The following TULP4 variants were observed in gnomAD, a reference collection of about 807,000 sequenced individuals.
The protein encoded by TULP4 is TUB like protein 4.
A neutral mutation model predicts 129.0 loss-of-function variants in TULP4; 16 were observed. The observed-to-expected ratio is 0.12, with a 90% CI of 0.08 to 0.19. The LOEUF (loss-of-function observed/expected upper bound fraction) is 0.19. Ranked by LOEUF, TULP4 falls within the 10% of genes least tolerant of loss-of-function variation. The probability of loss-of-function intolerance (pLI) is 1.00; values close to 1 mark genes in which losing one functional copy is unlikely to be tolerated. For missense variants in TULP4, 1,842 were observed against 2,059.1 expected (o/e 0.89, Z 2.04); for synonymous variants, 998 against 854.0 (o/e 1.17, Z -2.94).
upstream of TULP4, among the ~76,000 whole-genome samples, chr6:158,309,278 C>T (rs1442160974): frequency 2.1e-5 from 3 of 142,878 alleles, no homozygotes; most frequent in East Asian, 4.2e-4. Flanking sequence ...AGAGGCACTC[C>T]TCACATCCCA....
intron 1 of TULP4, among the ~76,000 whole-genome samples, chr6:158,325,847 G>A (rs1014636890): frequency 3.3e-5 from 5 of 151,988 alleles, no homozygotes; most frequent in Non-Finnish European, 5.9e-5. Context: ...TATACATATT[G>A]GTAAATGCTA....
chr6:158,415,498 C>T (rs1019202259), intron 2 of TULP4, among the ~76,000 whole-genome samples: 1 of 151,242 alleles, frequency 6.6e-6, no homozygotes, highest in African/African-American at 2.4e-5. Flanking sequence ...TACAGACACC[C>T]ACCACCACGC....
chr6:158,479,844 G>C lies in TULP4; in HGVS notation c.1120G>C (p.Val374Leu), dbSNP rs749598254. Residue 374 changes from valine to leucine, a missense_variant, in exon 7 of 14, where the codon GTG becomes CTG. Val to Leu is a conservative substitution (Grantham distance 32, BLOSUM62 1). Transcript: ENST00000367097. The part of the protein sequence containing the change: ...ALYVVRVEHR[V>L]SSLQLLCQQA... ...GTACGTGGTGCGTGTGGAGCACCGG[G>C]TGTCCAGCCTGCAGCTGCTGTGCCA... The C allele has an allele frequency of 1.2e-6, 2 of 1,614,030 alleles. No homozygotes were observed. Among genetic ancestry groups the C allele is most frequent in the Non-Finnish European group, 1.7e-6 (2 of 1,180,028 alleles).
chr6:158,312,345 C>T (rs527293363), upstream of TULP4: 9 of 384,852 alleles, frequency 2.3e-5, no homozygotes, highest in African/African-American at 6.2e-5. Context: ...ATGGTCTGCA[C>T]GGGTAAAGAA....
intron 1 of TULP4, among the ~76,000 whole-genome samples, chr6:158,340,088 G>T (rs766551570): frequency 6.6e-6 from 1 of 152,180 alleles, no homozygotes; most frequent in Non-Finnish European, 1.5e-5. Flanking sequence ...GGATCTGCTC[G>T]TGCAAGGTGA....
intron 1 of TULP4, among the ~76,000 whole-genome samples, chr6:158,378,485 T>TTTTTTTTTTTTG (rs1554285635): frequency 3.5e-4 from 18 of 51,408 alleles, no homozygotes; most frequent in African/African-American, 4.6e-4. Flanking sequence ...TTTTTTTTTT[T>TTTTTTTTTTTTG]GGTGGGGGTG....
chr6:158,489,484 G>A, intron 8 of TULP4, 104 bp from the exon 9 acceptor site: 1 of 1,394,896 alleles, frequency 7.2e-7, no homozygotes, highest in Non-Finnish European at 9.8e-7. Flanking sequence ...GGTCTAAAAT[G>A]ATGGCCTGTG....
intron 6 of TULP4, among the ~76,000 whole-genome samples, chr6:158,469,975 TC>T (rs1779641321): frequency 6.6e-6 from 1 of 152,044 alleles, no homozygotes; most frequent in Non-Finnish European, 1.5e-5. Flanking sequence ...GACCTGGGGT[TC>T]TTGGCCTCAC....
chr6:158,446,366 C>A (rs1779041763), intron 3 of TULP4, among the ~76,000 whole-genome samples: 1 of 152,080 alleles, frequency 6.6e-6, no homozygotes, highest in Non-Finnish European at 1.5e-5. Context: ...AGTTGTAATT[C>A]ATTAATGGTA....
At chr6:158,233,024 C>G (rs1777626888) in intron 1 of TULP4, among the ~76,000 whole-genome samples, 1 of 152,290 alleles carries the variant, frequency 6.6e-6, no homozygotes, top group South Asian at 2.1e-4. Flanking sequence ...GACGCCGATT[C>G]CGAAGTTTGA....
At chr6:158,335,980 G>T (rs1468923472) in intron 1 of TULP4, among the ~76,000 whole-genome samples, 2 of 152,224 alleles carry the variant, frequency 1.3e-5, no homozygotes, top group Non-Finnish European at 2.9e-5. Context: ...GCATTGTAAT[G>T]TGAAGACATA....
chr6:158,316,788 G>T (rs1271798545), intron 1 of TULP4, among the ~76,000 whole-genome samples: 1 of 152,144 alleles, frequency 6.6e-6, no homozygotes, highest in African/African-American at 2.4e-5. Flanking sequence ...CTCCTCTGAG[G>T]CTCAGGGCCT....
At chr6:158,329,708 T>C (rs1320573240) in intron 1 of TULP4, among the ~76,000 whole-genome samples, 1 of 152,164 alleles carries the variant, frequency 6.6e-6, no homozygotes, top group African/African-American at 2.4e-5. Flanking sequence ...CTTCAGGAAA[T>C]TCGCTACAGA....
intron 1 of TULP4, among the ~76,000 whole-genome samples, chr6:158,269,380 TAAAAAAAAAAA>T (rs10583634): frequency 7.6e-6 from 1 of 131,082 alleles, no homozygotes; most frequent in African/African-American, 3.0e-5. Context: ...TCAGCATTTG[TAAAAAAAAAAA>T]AAAAAAAAAG....
chr6:158,361,844 T>C (rs1315804713), intron 1 of TULP4, among the ~76,000 whole-genome samples: 1 of 152,194 alleles, frequency 6.6e-6, no homozygotes, highest in Non-Finnish European at 1.5e-5. Context: ...TTGGTTTAAA[T>C]TATACCAACT....
intron 1 of TULP4, among the ~76,000 whole-genome samples, chr6:158,392,512 T>C (rs1777606683): frequency 6.6e-6 from 1 of 152,166 alleles, no homozygotes; most frequent in South Asian, 2.1e-4. Context: ...TCTCCCGGCT[T>C]TTTTCTCATA....
At chr6:158,243,847 G>GGTGTGTGTGTGTGT (rs57298904) in intron 1 of TULP4, among the ~76,000 whole-genome samples, 39 of 143,508 alleles carry the variant, frequency 2.7e-4, no homozygotes, top group African/African-American at 9.2e-4. Context: ...AGCTGAAATA[G>GGTGTGTGTGTGTGT]GTGTGTGTGT....
intron 3 of TULP4, among the ~76,000 whole-genome samples, chr6:158,431,731 G>T (rs1235702840): frequency 6.6e-6 from 1 of 152,042 alleles, no homozygotes; most frequent in Non-Finnish European, 1.5e-5. Context: ...CGTACCACAG[G>T]GAGTGGTTTC....
At chr6:158,254,265 C>T (rs1269569384) in intron 1 of TULP4, among the ~76,000 whole-genome samples, 1 of 152,054 alleles carries the variant, frequency 6.6e-6, no homozygotes, top group Non-Finnish European at 1.5e-5. Flanking sequence ...GACTCAGCCT[C>T]CTGAATAGCT....
Sources: allele counts gnomAD v4.1 joint callset (sites outside exome capture counted in the v4.1 genomes callset), GRCh38; gene constraint gnomAD v4.1.1; transcripts MANE v1.5; gene names NCBI Gene and HGNC (gene_info 2026-07-23, HGNC 2026-07-21).